Variants in TMTC2 observed in about 807,000 individuals in gnomAD.
TMTC2 encodes protein O-mannosyl-transferase TMTC2.
In TMTC2, 43 loss-of-function variants were observed where a neutral mutation model predicts 82.4. The ratio of observed to expected loss-of-function variants is 0.52; its 90% CI spans 0.41 to 0.67. TMTC2 has a LOEUF of 0.67. TMTC2 is among the 30% of genes least tolerant of loss of function. TMTC2 has a pLI of 0.00. For missense variants in TMTC2, 919 were observed against 1,012.4 expected, an observed-to-expected ratio of 0.91 and a Z score of 1.25; for synonymous variants, 408 against 381.9, an observed-to-expected ratio of 1.07 and a Z score of -0.80.
chr12:82,856,085 T>A (rs1305256321), intron 1 of TMTC2, among the ~76,000 whole-genome samples: 1 of 152,232 alleles, frequency 6.6e-6, no homozygotes, highest in African/African-American at 2.4e-5. Context: ...TAGAGAATAA[T>A]ATCTACCTCA....
At chr12:82,722,737 C>T (rs1874273770) in intron 1 of TMTC2, among the ~76,000 whole-genome samples, 1 of 152,024 alleles carries the variant, frequency 6.6e-6, no homozygotes, top group Non-Finnish European at 1.5e-5. Flanking sequence ...GCAAGACTCC[C>T]TCTCAACAAC....
intron 3 of TMTC2, among the ~76,000 whole-genome samples, chr12:82,913,894 C>T (rs1874844960): frequency 6.6e-6 from 1 of 151,956 alleles, no homozygotes; most frequent in Non-Finnish European, 1.5e-5. Context: ...CCTGCAGAAC[C>T]AGAATATAGG....
At chr12:83,020,417 G>T (rs987785066) in intron 8 of TMTC2, among the ~76,000 whole-genome samples, 1 of 152,146 alleles carries the variant, frequency 6.6e-6, no homozygotes, top group Non-Finnish European at 1.5e-5. Context: ...TCTAAAGTCT[G>T]AAAACAGCAT....
chr12:83,084,977 C>G (rs183845765), intron 11 of TMTC2, among the ~76,000 whole-genome samples: 1 of 152,336 alleles, frequency 6.6e-6, no homozygotes, highest in East Asian at 1.9e-4. Flanking sequence ...CTTGTGCTGT[C>G]AGTGCAGCTA....
chr12:82,798,575 G>A (rs1206793244), intron 1 of TMTC2, among the ~76,000 whole-genome samples: 1 of 151,658 alleles, frequency 6.6e-6, no homozygotes, highest in Non-Finnish European at 1.5e-5. Flanking sequence ...GGAGGCCGAG[G>A]TGGTTGGATC....
At chr12:82,863,392 C>T (rs1194178522) in intron 2 of TMTC2, among the ~76,000 whole-genome samples, 1 of 152,074 alleles carries the variant, frequency 6.6e-6, no homozygotes, top group East Asian at 1.9e-4. Context: ...TTGTTAGGCC[C>T]TTACGAATGA....
intron 3 of TMTC2, among the ~76,000 whole-genome samples, chr12:82,908,705 A>C (rs1874452744): frequency 6.6e-6 from 1 of 152,110 alleles, no homozygotes; most frequent in African/African-American, 2.4e-5. Context: ...CATTCCCTCA[A>C]AGATTTTATG....
intron 1 of TMTC2, among the ~76,000 whole-genome samples, chr12:82,826,896 A>G (rs1869450968): frequency 6.6e-6 from 1 of 152,130 alleles, no homozygotes; most frequent in African/African-American, 2.4e-5. Flanking sequence ...TTCTCTGAAA[A>G]TTTACTTATT....
At chr12:83,109,067 T>C (rs1261049946) in intron 11 of TMTC2, among the ~76,000 whole-genome samples, 1 of 152,204 alleles carries the variant, frequency 6.6e-6, no homozygotes. Flanking sequence ...AGACTATAGC[T>C]GTCTTTTCTC....
intron 10 of TMTC2, among the ~76,000 whole-genome samples, chr12:83,051,310 T>A (rs964462381): frequency 6.6e-6 from 1 of 151,982 alleles, no homozygotes; most frequent in South Asian, 2.1e-4. Context: ...CTTTTTTTTT[T>A]AAGCTCATCA....
At chr12:82,699,268 A>G (rs1049004391) in intron 1 of TMTC2, among the ~76,000 whole-genome samples, 20 of 152,182 alleles carry the variant, frequency 1.3e-4, no homozygotes, top group Non-Finnish European at 2.4e-4. Context: ...TCTCATTACA[A>G]AAGCAGTTTT....
chr12:82,767,547 C>T, intron 1 of TMTC2, among the ~76,000 whole-genome samples: 1 of 152,126 alleles, frequency 6.6e-6, no homozygotes, highest in Non-Finnish European at 1.5e-5. Flanking sequence ...GATCACACCA[C>T]TGCACTCCAG....
intron 11 of TMTC2, among the ~76,000 whole-genome samples, chr12:83,094,877 A>C (rs2137524818): frequency 6.6e-6 from 1 of 152,322 alleles, no homozygotes. Flanking sequence ...ATTATTGGGT[A>C]TCCTGGAAGC....
intron 1 of TMTC2, among the ~76,000 whole-genome samples, chr12:82,706,155 G>A (rs983959248): frequency 4.0e-5 from 6 of 151,788 alleles, no homozygotes; most frequent in Non-Finnish European, 7.4e-5. Flanking sequence ...CTAAAAGTAC[G>A]AAAATTAGCT....
intron 1 of TMTC2, among the ~76,000 whole-genome samples, chr12:82,819,236 T>C (rs962107722): frequency 1.3e-5 from 2 of 152,120 alleles, no homozygotes; most frequent in Non-Finnish European, 2.9e-5. Flanking sequence ...TCTTGAACAA[T>C]TTTAATTTTT....
chr12:82,805,539 G>A (rs961685347), intron 1 of TMTC2, among the ~76,000 whole-genome samples: 20 of 105,174 alleles, frequency 1.9e-4, no homozygotes, highest in Non-Finnish European at 3.1e-4. Context: ...ACAGAGTCTT[G>A]CTCTGTCACC....
rs772147076 is a variant in TMTC2 at position 82,896,426 on chromosome 12, G to A, written c.1263G>A (p.Glu421=). The A allele has an allele frequency of 6.8e-6, 11 of 1,614,012 alleles. No individual in the cohort carries two copies. Among genetic ancestry groups the A allele is most frequent in the East Asian group, 2.2e-5 (1 of 44,872 alleles). ...LFFYVGFVIA[E]RVLYIPSMGF... is the part of the protein sequence containing the mutation. ...TCTATGTCGGCTTTGTAATTGCAGA[G>A]CGAGTATTATATATTCCTAGTATGG... Residue 421 remains glutamate (E), a synonymous_variant, in exon 3 of 12, where the codon GAG becomes GAA. Coordinates refer to ENST00000321196, the MANE Select transcript of TMTC2 (RefSeq NM_152588.3).
intron 2 of TMTC2, among the ~76,000 whole-genome samples, chr12:82,880,282 G>A (rs1703109): frequency 5.9e-5 from 9 of 151,934 alleles, no homozygotes; most frequent in Middle Eastern, 3.2e-3. Flanking sequence ...TAAATAAAGC[G>A]TCTAGTACCT....
chr12:82,844,801 CAA>C (rs550857198), intron 1 of TMTC2, among the ~76,000 whole-genome samples: 1 of 121,312 alleles, frequency 8.2e-6, no homozygotes. Flanking sequence ...GACTCCGTCT[CAA>C]AAAAAAAAAA....
Sources: gnomAD v4.1 joint callset for allele counts (sites outside exome capture counted in the v4.1 genomes callset) on GRCh38, gnomAD v4.1.1 for gene constraint, MANE v1.5 for transcripts, NCBI Gene and HGNC (gene_info 2026-07-23, HGNC 2026-07-21) for gene names.